The following SRP54 variants were observed in gnomAD, a reference collection of about 807,000 sequenced individuals.
The protein encoded by SRP54 is signal recognition particle 54.
Under a neutral mutation model 64.8 loss-of-function variants are expected in SRP54, and 10 were observed. The ratio of observed to expected loss-of-function variants is 0.15; its 90% CI spans 0.10 to 0.26. The LOEUF is 0.26. SRP54 is among the 10% of genes least tolerant of loss of function. The pLI, the probability that SRP54 is intolerant of heterozygous loss-of-function variation, is 1.00. For missense variants in SRP54, 325 were observed against 613.7 expected, an observed-to-expected ratio of 0.53 and a Z score of 4.97; for synonymous variants, 193 against 185.6, an observed-to-expected ratio of 1.04 and a Z score of -0.32.
intron 4 of SRP54, among the ~76,000 whole-genome samples, chr14:35,005,671 A>AT (rs986533601): frequency 6.6e-6 from 1 of 152,144 alleles, no homozygotes; most frequent in African/African-American, 2.4e-5. Context: ...AAGGGCCGGG[A>AT]TTATAGGCAT....
intron 7 of SRP54, among the ~76,000 whole-genome samples, chr14:35,010,420 T>A (rs1438510934): frequency 6.6e-6 from 1 of 151,992 alleles, no homozygotes; most frequent in Non-Finnish European, 1.5e-5. Context: ...CACTCCACCA[T>A]GGGCAACAAG....
intron 1 of SRP54, among the ~76,000 whole-genome samples, chr14:34,996,219 C>G (rs1018460098): frequency 3.9e-5 from 6 of 151,932 alleles, no homozygotes; most frequent in Admixed American, 3.9e-4. Flanking sequence ...TTATTAAAAC[C>G]TTTTTTCTTT....
At chr14:35,029,000 T>C (rs1368907949) in intron 15 of SRP54, 61 bp from the exon 16 acceptor site, 2 of 1,343,808 alleles carry the variant, frequency 1.5e-6, no homozygotes, top group Non-Finnish European at 2.1e-6. Flanking sequence ...AAGTAATAAA[T>C]GTTTCCAGTT....
At chr14:35,008,174 C>T (rs1347778061) in intron 5 of SRP54, among the ~76,000 whole-genome samples, 3 of 152,144 alleles carry the variant, frequency 2.0e-5, no homozygotes, top group Non-Finnish European at 2.9e-5. Context: ...TGCAGTGGCA[C>T]GCAAACATAG....
At position 35,029,106 on chromosome 14, in the gene SRP54, G is replaced by A; in HGVS notation, c.1469G>A (p.Gly490Asp). The A allele has an allele frequency of 6.2e-7, 1 of 1,613,784 alleles. No individual in the cohort carries two copies. ...LQSMMRQFQQ[G>D]AAGNMKGMMG... Reference sequence around the variant, plus strand: ...TCAATGATGAGGCAGTTTCAACAGGGTGCTGCTGGCAACATGAAAGGCATG... The same window carrying A: ...TCAATGATGAGGCAGTTTCAACAGGATGCTGCTGGCAACATGAAAGGCATG... The change falls in exon 16 of 16, where the codon GGT becomes GAT. Residue 490 changes from glycine to aspartate, a missense_variant. Physicochemically the swap from Gly to Asp is moderately conservative, Grantham distance 94. Transcript: ENST00000216774.
chr14:35,015,654 G>A (rs1040517414), intron 11 of SRP54, among the ~76,000 whole-genome samples: 2 of 152,192 alleles, frequency 1.3e-5, no homozygotes, highest in Admixed American at 1.3e-4. Flanking sequence ...ATTCGCTGAT[G>A]CATGTACAAT....
At chr14:34,994,204 G>A (rs2044029434) in intron 1 of SRP54, among the ~76,000 whole-genome samples, 1 of 151,358 alleles carries the variant, frequency 6.6e-6, no homozygotes, top group Non-Finnish European at 1.5e-5. Context: ...TTGCCATGTT[G>A]GCCAGGCTGG....
chr14:34,997,773 T>G (rs2044093139), intron 2 of SRP54, among the ~76,000 whole-genome samples: 1 of 152,184 alleles, frequency 6.6e-6, no homozygotes, highest in Admixed American at 6.5e-5. Flanking sequence ...AGAACCAGGA[T>G]TAGAACCTTT....
intron 14 of SRP54, among the ~76,000 whole-genome samples, chr14:35,025,209 C>T (rs1031677866): frequency 1.3e-5 from 2 of 151,982 alleles, no homozygotes; most frequent in Non-Finnish European, 2.9e-5. Context: ...TGAAAATTTG[C>T]CTTGAAACCC....
chr14:35,027,226 C>G (rs2044645188), intron 14 of SRP54, among the ~76,000 whole-genome samples: 1 of 150,446 alleles, frequency 6.6e-6, no homozygotes, highest in African/African-American at 2.4e-5. Flanking sequence ...GACGGGGTTT[C>G]ACCACGTTGG....
At chr14:35,021,844 T>C (rs2044535970) in intron 13 of SRP54, among the ~76,000 whole-genome samples, 1 of 152,156 alleles carries the variant, frequency 6.6e-6, no homozygotes, top group Non-Finnish European at 1.5e-5. Context: ...TAGATAACCA[T>C]TTATTTGGGG....
At chr14:35,026,319 C>T (rs1442986381) in intron 14 of SRP54, among the ~76,000 whole-genome samples, 1 of 151,950 alleles carries the variant, frequency 6.6e-6, no homozygotes, top group Non-Finnish European at 1.5e-5. Flanking sequence ...CCTTGACCTC[C>T]CAAGCTCAAG....
Position 34,984,360 on chromosome 14 carries a change from T to C in SRP54, c.-34+1145T>C, listed in dbSNP as rs537962388. Among the ~76,000 whole-genome samples the C allele has an allele frequency of 9.5e-4, 144 of 152,336 alleles. 1 individual carries two copies. Among genetic ancestry groups the C allele is most frequent in the Middle Eastern group, 6.8e-3 (2 of 294 alleles). ...CTATCTCTTTGGTTATTTTCAGTCT[T>C]GGTTAACGCCGTCCTTTTAGTTGGC... On this transcript the variant is annotated intron_variant, in intron 1 of 15. Transcript: ENST00000216774.
chr14:35,028,371 C>T (rs1374377377), intron 15 of SRP54, among the ~76,000 whole-genome samples, 188 bp downstream of exon 15: 2 of 152,164 alleles, frequency 1.3e-5, no homozygotes, highest in Admixed American at 1.3e-4. Flanking sequence ...CTTATTCACT[C>T]CTCTGCTGCC....
At position 35,023,787 on chromosome 14, in the gene SRP54, A is replaced by AACACACACACACAC. The variant is rs57037784; in HGVS notation, c.1327+730_1327+743dup. On this transcript the variant is annotated intron_variant, in intron 14 of 15. Transcript: ENST00000216774. The stretch of plus-strand genomic sequence containing the variant: ...CAGCAGAGTGAGACTCCGGTCCCCA[A>AACACACACACACAC]ACACACACACACACACACACACACA... 5.1e-3 allele frequency among the ~76,000 whole-genome samples: 722 copies of AACACACACACACAC among 140,336 alleles called. 8 individuals are homozygous for AACACACACACACAC. Among genetic ancestry groups the AACACACACACACAC allele is most frequent in the African/African-American group, 0.017 (626 of 37,632 alleles). 92.1% of individuals were successfully genotyped at this position (140,336 alleles called of 152,430 possible).
chr14:34,995,190 G>GTGT (rs2044053733), intron 1 of SRP54, among the ~76,000 whole-genome samples: 1 of 109,708 alleles, frequency 9.1e-6, no homozygotes, highest in Admixed American at 9.2e-5. Flanking sequence ...TGTGTGTGTA[G>GTGT]AGAGAGAGAG....
intron 1 of SRP54, among the ~76,000 whole-genome samples, chr14:34,986,942 A>G (rs1007463127): frequency 3.3e-5 from 5 of 151,954 alleles, no homozygotes; most frequent in Admixed American, 6.6e-5. Context: ...AGTTTATTAA[A>G]ATATAATTCT....
At chr14:35,006,529 A>G (rs763196662) in intron 4 of SRP54, among the ~76,000 whole-genome samples, 4 of 152,212 alleles carry the variant, frequency 2.6e-5, no homozygotes, top group Admixed American at 6.5e-5. Flanking sequence ...TATAGATTAC[A>G]TATGAAAATG....
chr14:34,992,560 G>A (rs1366455612), intron 1 of SRP54, among the ~76,000 whole-genome samples: 1 of 152,158 alleles, frequency 6.6e-6, no homozygotes, highest in Admixed American at 6.5e-5. Context: ...AGTATCTCAT[G>A]TTCTCACTTA....
Sources: allele counts gnomAD v4.1 joint callset (sites outside exome capture counted in the v4.1 genomes callset), GRCh38; gene constraint gnomAD v4.1.1; transcripts MANE v1.5; gene names NCBI Gene and HGNC (gene_info 2026-07-23, HGNC 2026-07-21).